Variants in PKHD1 observed in about 807,000 individuals in gnomAD.
PKHD1 encodes PKHD1 ciliary IPT domain containing fibrocystin/polyductin.
PKHD1 carries 291 observed loss-of-function variants against 412.0 expected under a neutral mutation model. The observed-to-expected ratio is 0.71, with a 90% CI of 0.64 to 0.78. PKHD1 has a LOEUF of 0.78. Among genes scored for constraint, PKHD1 ranks in the 30% least tolerant of loss-of-function variants. PKHD1 has a pLI of 0.00. For synonymous variants in PKHD1, 1,777 were observed against 1,821.5 expected (o/e 0.98, Z 0.62); for missense variants, 4,825 against 4,950.7 (o/e 0.97, Z 0.76).
intron 60 of PKHD1, among the ~76,000 whole-genome samples, chr6:51,704,837 T>C (rs976242853): frequency 1.3e-5 from 2 of 151,972 alleles, no homozygotes; most frequent in South Asian, 2.1e-4. Context: ...GACCTGATAG[T>C]TGAAGGCCTG....
At chr6:51,761,784 G>A (rs1392566498) in intron 55 of PKHD1, among the ~76,000 whole-genome samples, 3 of 151,982 alleles carry the variant, frequency 2.0e-5, no homozygotes, top group Non-Finnish European at 4.4e-5. Context: ...ACAGGACAAA[G>A]AGACTGGATG....
chr6:51,711,668 C>T lies in PKHD1; in HGVS notation c.10156+32717G>A, dbSNP rs529134322. 3.3e-5 allele frequency among the ~76,000 whole-genome samples: 5 copies of T among 152,198 alleles called. No individual in the cohort carries two copies. The South Asian group carries it at 1.0e-3, about 32-fold the overall frequency. On this transcript the variant is annotated intron_variant, in intron 60 of 66. Transcript: ENST00000371117. ...GGATTTATAATGAAAAAGAGTCACA[C>T]AGTAAAAACAGAAAGAATGAAAAGA...
chr6:51,751,069 G>A (rs1205222449), intron 57 of PKHD1, among the ~76,000 whole-genome samples: 1 of 152,120 alleles, frequency 6.6e-6, no homozygotes, highest in African/African-American at 2.4e-5. Flanking sequence ...GAGCCACAGT[G>A]CCCAGCCTGA....
chr6:51,836,339 T>C, intron 51 of PKHD1, 65 bp downstream of exon 51: 1 of 1,053,140 alleles, frequency 9.5e-7, no homozygotes, highest in Non-Finnish European at 1.5e-6. Context: ...CAAGGTGGAA[T>C]TTGTAGAACT....
chr6:51,923,518 G>GAA (rs200800178), intron 37 of PKHD1, among the ~76,000 whole-genome samples: 1 of 136,852 alleles, frequency 7.3e-6, no homozygotes, highest in African/African-American at 2.8e-5. Context: ...TGAAAAAAAA[G>GAA]AAAAAAAAAA....
At chr6:51,863,561 C>A (rs1454815128) in intron 48 of PKHD1, among the ~76,000 whole-genome samples, 1 of 151,990 alleles carries the variant, frequency 6.6e-6, no homozygotes, top group Non-Finnish European at 1.5e-5. Flanking sequence ...CAAATAAAGG[C>A]AAACTGATGA....
intron 60 of PKHD1, among the ~76,000 whole-genome samples, chr6:51,709,203 T>C (rs62461299): frequency 1.3e-5 from 2 of 152,214 alleles, no homozygotes; most frequent in Non-Finnish European, 2.9e-5. Flanking sequence ...CATGTTCACC[T>C]TTATCACACT....
intron 63 of PKHD1, among the ~76,000 whole-genome samples, chr6:51,647,618 A>G (rs1770278073): frequency 6.6e-6 from 1 of 152,146 alleles, no homozygotes; most frequent in Admixed American, 6.5e-5. Context: ...ATTTCCCCAT[A>G]GAAATCATAT....
intron 52 of PKHD1, among the ~76,000 whole-genome samples, chr6:51,804,896 T>C (rs1295476194): frequency 6.6e-6 from 1 of 152,166 alleles, no homozygotes; most frequent in Non-Finnish European, 1.5e-5. Flanking sequence ...CTGACGAGGC[T>C]GTGAAGAAAA....
chr6:51,921,294 C>G (rs904703676), intron 37 of PKHD1, among the ~76,000 whole-genome samples: 1 of 152,082 alleles, frequency 6.6e-6, no homozygotes, highest in Non-Finnish European at 1.5e-5. Context: ...CTATAAAGAT[C>G]TGTTGTTAGT....
intron 37 of PKHD1, 99 bp downstream of exon 37, chr6:51,934,011 G>A: frequency 1.2e-6 from 1 of 857,714 alleles, no homozygotes; most frequent in Non-Finnish European, 2.0e-6. Flanking sequence ...TGACCTGGTT[G>A]GCTCAGCAAC....
intron 57 of PKHD1, among the ~76,000 whole-genome samples, chr6:51,748,995 A>G (rs893722263): frequency 3.3e-5 from 5 of 152,142 alleles, no homozygotes; most frequent in African/African-American, 1.2e-4. Flanking sequence ...CGGGTCAAAG[A>G]ACTGGGTAAG....
At position 51,949,689 on chromosome 6, in the gene PKHD1, T is replaced by C. The variant is rs532903164; in HGVS notation, c.5908+10181A>G. 7.9e-5 allele frequency among the ~76,000 whole-genome samples: 12 copies of C among 152,266 alleles called. No homozygotes were observed. The South Asian group carries it at 1.7e-3, about 21-fold the overall frequency. On this transcript the variant is annotated intron_variant, in intron 36 of 66. Coordinates refer to ENST00000371117, the MANE Select transcript of PKHD1 (RefSeq NM_138694.4). ...CCCCAAGAGCTTAGTCCACGCTCCA[T>C]AATCCTATCCACTAGCAGCTCAGGA...
intron 60 of PKHD1, among the ~76,000 whole-genome samples, chr6:51,742,219 A>G (rs1784643274): frequency 6.6e-6 from 1 of 152,228 alleles, no homozygotes; most frequent in Admixed American, 6.5e-5. Flanking sequence ...GTTCTATTCA[A>G]CAAATGCAAC....
rs551036029 is a variant in PKHD1, at chr6:51,715,536, T to TGAA, written c.10156+28846_10156+28848dup. Among the ~76,000 whole-genome samples the TGAA allele has an allele frequency of 1.9e-4, 29 of 152,326 alleles. No individual in the cohort carries two copies. The East Asian group carries it at 5.6e-3, about 29-fold the overall frequency. ...AAGTATTGAGAACAACCTGGTCTGATGAAGACCATGAAACACACACTAGAG... is the reference window on the plus strand; with the variant it reads ...AAGTATTGAGAACAACCTGGTCTGATGAAGAAGACCATGAAACACACACTAGAG... On this transcript the variant is annotated intron_variant, in intron 60 of 66. Transcript: ENST00000371117.
At chr6:51,790,061 C>A (rs957676148) in intron 53 of PKHD1, among the ~76,000 whole-genome samples, 1 of 152,106 alleles carries the variant, frequency 6.6e-6, no homozygotes, top group South Asian at 2.1e-4. Context: ...AGTAACTTAA[C>A]CTTTGTTCAG....
rs140458350 is a variant in PKHD1 at position 52,058,577 on chromosome 6, C to G, written c.1258G>C (p.Gly420Arg). The G allele has an allele frequency of 6.8e-6, 11 of 1,614,110 alleles. No individual in the cohort carries two copies. The highest frequency in any genetic ancestry group is 9.3e-6 in the Non-Finnish European group (11 of 1,180,010). The change falls in exon 16 of 67, where the codon GGC becomes CGC. Residue 420 changes from glycine (G) to arginine (R), a missense_variant. Coordinates refer to ENST00000371117, the MANE Select transcript of PKHD1 (RefSeq NM_138694.4). Reference sequence around the variant, plus strand: ...CAGGAGTCAAACCAGTCAGCAGTGCCGACGCTGATGGAGGCCACTTTCACC... The same window carrying G: ...CAGGAGTCAAACCAGTCAGCAGTGCGGACGCTGATGGAGGCCACTTTCACC... ...TKVKVASISV[G>R]TADWFDSWEQ...
intron 51 of PKHD1, among the ~76,000 whole-genome samples, chr6:51,833,942 G>A (rs1207767164): frequency 1.3e-5 from 2 of 152,136 alleles, no homozygotes; most frequent in Admixed American, 1.3e-4. Flanking sequence ...CACTCCTGAT[G>A]AGGCCTCTCC....
chr6:52,079,855 C>A (rs977029583), intron 5 of PKHD1, 45 bp downstream of exon 5: 3 of 1,090,862 alleles, frequency 2.8e-6, no homozygotes, highest in Non-Finnish European at 4.3e-6. Context: ...CACAAGCACA[C>A]CCTTAGACTA....
Sources: allele counts gnomAD v4.1 joint callset (sites outside exome capture counted in the v4.1 genomes callset), GRCh38; gene constraint gnomAD v4.1.1; transcripts MANE v1.5; gene names NCBI Gene and HGNC (gene_info 2026-07-23, HGNC 2026-07-21).